Variants in CSMD1 observed in about 807,000 individuals in gnomAD.
CSMD1 encodes the protein CUB and sushi domain-containing protein 1.
A neutral mutation model predicts 417.5 loss-of-function variants in CSMD1; 213 were observed. The observed-to-expected ratio is 0.51, with a 90% confidence interval of 0.46 to 0.57. CSMD1 has a LOEUF of 0.57. Ranked by LOEUF, CSMD1 falls within the 20% of genes least tolerant of loss-of-function variation. CSMD1 has a pLI of 0.00. For missense variants in CSMD1, 6,923 were observed against 4,529.7 expected, an observed-to-expected ratio of 1.53 and a Z score of -15.17; for synonymous variants, 2,862 against 1,736.8, an observed-to-expected ratio of 1.65 and a Z score of -16.11.
At chr8:3,809,088 A>G (rs1181569424) in intron 5 of CSMD1, among the ~76,000 whole-genome samples, 1 of 152,140 alleles carries the variant, frequency 6.6e-6, no homozygotes, top group Non-Finnish European at 1.5e-5. Context: ...TCTATCATAT[A>G]TGACAACCTG....
chr8:4,436,056 A>C (rs139376169), intron 2 of CSMD1, among the ~76,000 whole-genome samples: 2 of 152,346 alleles, frequency 1.3e-5, no homozygotes, highest in African/African-American at 4.8e-5. Flanking sequence ...GATCATTCAC[A>C]GATCTTATAA....
Position 4,225,308 on chromosome 8 carries a change from C to A in CSMD1, c.416-193209G>T, listed in dbSNP as rs571055198. ...TTAATCATGTTTTAAACTTTCTTTT[C>A]TGAATCATCGAGACTTGATGTTATT... On this transcript the variant is annotated intron_variant, in intron 3 of 69. Coordinates refer to ENST00000635120, the MANE Select transcript of CSMD1 (RefSeq NM_033225.6). 3.9e-5 allele frequency among the ~76,000 whole-genome samples: 6 copies of A among 152,168 alleles called. No homozygotes were observed. The East Asian group carries it at 1.2e-3, about 29-fold the overall frequency.
At chr8:3,959,772 G>C (rs537841176) in intron 5 of CSMD1, among the ~76,000 whole-genome samples, 12 of 152,148 alleles carry the variant, frequency 7.9e-5, no homozygotes, top group Non-Finnish European at 1.2e-4. Flanking sequence ...CTTCAGTTTT[G>C]TGATTGGAAT....
intron 3 of CSMD1, among the ~76,000 whole-genome samples, chr8:4,056,145 C>T (rs1156677587): frequency 6.9e-6 from 1 of 144,260 alleles, no homozygotes; most frequent in South Asian, 2.2e-4. Context: ...ACAGTGGCAC[C>T]ATCTTGGCTT....
At chr8:4,162,759 C>T (rs1454082263) in intron 3 of CSMD1, among the ~76,000 whole-genome samples, 1 of 152,114 alleles carries the variant, frequency 6.6e-6, no homozygotes, top group African/African-American at 2.4e-5. Flanking sequence ...CATTATCATC[C>T]AAACCCCCAG....
chr8:4,164,075 G>A (rs1321039078), intron 3 of CSMD1, among the ~76,000 whole-genome samples: 1 of 151,622 alleles, frequency 6.6e-6, no homozygotes, highest in Non-Finnish European at 1.5e-5. Context: ...ATTACATTAA[G>A]AAAACTCCAA....
chr8:4,425,123 G>A (rs558016061), intron 2 of CSMD1, among the ~76,000 whole-genome samples: 1 of 151,916 alleles, frequency 6.6e-6, no homozygotes, highest in Non-Finnish European at 1.5e-5. Flanking sequence ...TAATGTGATA[G>A]CACTTAATTA....
chr8:4,793,924 G>A (rs2117247054), intron 1 of CSMD1, among the ~76,000 whole-genome samples: 1 of 151,910 alleles, frequency 6.6e-6, no homozygotes, highest in East Asian at 1.9e-4. Flanking sequence ...TGTGATGTAA[G>A]TTGAGGTTTG....
chr8:3,555,383 G>A (rs1041582263), intron 10 of CSMD1, among the ~76,000 whole-genome samples: 1 of 152,080 alleles, frequency 6.6e-6, no homozygotes. Context: ...CAGTCTGAAC[G>A]CTGTAAGAAT....
At chr8:3,394,290 A>T (rs1251355833) in intron 17 of CSMD1, among the ~76,000 whole-genome samples, 2 of 148,062 alleles carry the variant, frequency 1.4e-5, no homozygotes, top group African/African-American at 4.9e-5. Context: ...TAATAATAAA[A>T]TATTATTATT....
At chr8:4,351,004 A>G (rs780529629) in intron 3 of CSMD1, among the ~76,000 whole-genome samples, 9 of 152,196 alleles carry the variant, frequency 5.9e-5, no homozygotes, top group Non-Finnish European at 8.8e-5. Flanking sequence ...CTTAATCGAA[A>G]TTAAAGTTCT....
At chr8:4,038,826 C>T (rs1312105035) in intron 3 of CSMD1, among the ~76,000 whole-genome samples, 1 of 152,128 alleles carries the variant, frequency 6.6e-6, no homozygotes, top group Non-Finnish European at 1.5e-5. Flanking sequence ...TTCCACTGGA[C>T]CCCATGAAGC....
chr8:4,207,366 TTAGA>T (rs1800040300), intron 3 of CSMD1, among the ~76,000 whole-genome samples: 2 of 152,266 alleles, frequency 1.3e-5, no homozygotes, highest in African/African-American at 4.8e-5. Context: ...GCTTAATAGT[TTAGA>T]TAAATTCACA....
intron 1 of CSMD1, among the ~76,000 whole-genome samples, chr8:4,922,063 G>C (rs976385498): frequency 5.3e-5 from 8 of 152,128 alleles, no homozygotes; most frequent in African/African-American, 1.9e-4. Context: ...CTCTTCACTT[G>C]TACCCAGAGC....
Position 4,468,531 on chromosome 8 carries a change from G to C in CSMD1, c.303-48466C>G, listed in dbSNP as rs1414952732. 2.6e-5 allele frequency among the ~76,000 whole-genome samples: 4 copies of C among 152,142 alleles called. No homozygotes were observed. In the South Asian group the frequency reaches 8.3e-4, roughly 32 times the overall value. ...ACTTTTCTATTTCTTCTTACATGAA[G>C]GCATTTACACACTCTTGTCCCCAGC... is the stretch of plus-strand genomic sequence containing the variant. On this transcript the variant is annotated intron_variant, in intron 2 of 69. Transcript: ENST00000635120.
At chr8:4,078,474 C>T (rs371051769) in intron 3 of CSMD1, among the ~76,000 whole-genome samples, 1 of 151,938 alleles carries the variant, frequency 6.6e-6, no homozygotes, top group Non-Finnish European at 1.5e-5. Flanking sequence ...CCATGTTAGC[C>T]AGGATGGTCT....
intron 1 of CSMD1, among the ~76,000 whole-genome samples, chr8:4,868,920 CAT>C (rs1276708431): frequency 1.3e-5 from 2 of 152,002 alleles, no homozygotes; most frequent in African/African-American, 2.4e-5. Flanking sequence ...GGCAATCACT[CAT>C]ATGTGTGTAG....
At chr8:4,500,039 A>T (rs1802177232) in intron 2 of CSMD1, among the ~76,000 whole-genome samples, 1 of 151,902 alleles carries the variant, frequency 6.6e-6, no homozygotes, top group South Asian at 2.1e-4. Context: ...AGGAGGTGAA[A>T]AGTATAAAGA....
At chr8:3,377,964 AGTCAGTGCC>A (rs1314081047) in intron 18 of CSMD1, among the ~76,000 whole-genome samples, 2 of 152,180 alleles carry the variant, frequency 1.3e-5, no homozygotes, top group Non-Finnish European at 2.9e-5. Context: ...AGGTCAGAAA[AGTCAGTGCC>A]GTCATGGCCT....
Sources: gnomAD v4.1 joint callset for allele counts (sites outside exome capture counted in the v4.1 genomes callset) on GRCh38, gnomAD v4.1.1 for gene constraint, MANE v1.5 for transcripts, NCBI Gene and HGNC (gene_info 2026-07-23, HGNC 2026-07-21) for gene names.